Variants in USP3 observed in about 807,000 individuals in gnomAD.
The protein encoded by USP3 is ubiquitin specific peptidase 3, also known as ubiquitin carboxyl-terminal hydrolase 3.
Under a neutral mutation model 72.3 loss-of-function variants are expected in USP3, and 20 were observed. The ratio of observed to expected loss-of-function variants is 0.28; its 90% CI spans 0.19 to 0.40. USP3 has a LOEUF of 0.40. Ranked by LOEUF, USP3 falls within the 10% of genes least tolerant of loss-of-function variation. The pLI is 1.00. For missense variants in USP3, 479 were observed against 633.9 expected (o/e 0.76, Z 2.62); for synonymous variants, 222 against 225.3 (o/e 0.99, Z 0.13).
At chr15:63,578,600 A>G (rs1411968275) in intron 11 of USP3, among the ~76,000 whole-genome samples, 1 of 149,364 alleles carries the variant, frequency 6.7e-6, no homozygotes, top group Non-Finnish European at 1.5e-5. Context: ...CGACAGAGCA[A>G]GACTCCGTCT....
rs2066089843 is a variant in USP3 at position 63,532,391 on chromosome 15, ATGTGT to A, written c.92-254_92-250del. The A allele has an allele frequency of 3.4e-5, 19 of 554,524 alleles. No homozygotes were observed. In the South Asian group the frequency reaches 3.7e-4, roughly 11 times the overall value. The allele number at this position is 554,524 out of a possible 1,614,324, so 34.4% of individuals were successfully genotyped here. Reference sequence around the variant, plus strand: ...TAAGTAATAAAGGAGACAAGTGTATATGTGTTTAACGTGGTTAAGCTATTTGGGTT... The same window carrying A: ...TAAGTAATAAAGGAGACAAGTGTATATTAACGTGGTTAAGCTATTTGGGTT... On this transcript the variant is annotated intron_variant, in intron 1 of 14. Coordinates refer to ENST00000380324, the MANE Select transcript of USP3 (RefSeq NM_006537.4).
At chr15:63,512,609 T>A (rs1392600679) in intron 1 of USP3, among the ~76,000 whole-genome samples, 2 of 152,030 alleles carry the variant, frequency 1.3e-5, no homozygotes, top group African/African-American at 4.8e-5. Context: ...CATGCCTGGC[T>A]AATTTTTGTG....
intron 1 of USP3, among the ~76,000 whole-genome samples, chr15:63,517,567 T>C (rs552687871): frequency 2.0e-5 from 3 of 152,348 alleles, no homozygotes; most frequent in East Asian, 3.9e-4. Flanking sequence ...TGGGCTTCAC[T>C]GTGAGGTGGG....
intron 1 of USP3, among the ~76,000 whole-genome samples, chr15:63,521,330 A>G (rs2065918306): frequency 6.6e-6 from 1 of 152,208 alleles, no homozygotes; most frequent in Non-Finnish European, 1.5e-5. Context: ...ATAATGCAGC[A>G]GTTAATACCC....
chr15:63,534,578 A>G (rs1194522101), intron 2 of USP3, among the ~76,000 whole-genome samples: 1 of 152,190 alleles, frequency 6.6e-6, no homozygotes, highest in Non-Finnish European at 1.5e-5. Context: ...AGTTTATACA[A>G]AACTGTTAAC....
At chr15:63,530,604 C>T in intron 1 of USP3, 1 of 435,662 alleles carries the variant, frequency 2.3e-6, no homozygotes, top group East Asian at 8.3e-5. Flanking sequence ...CGTACCAGTG[C>T]ACCTGGCCCC....
chr15:63,519,061 G>A (rs1450625349), intron 1 of USP3, among the ~76,000 whole-genome samples: 1 of 152,190 alleles, frequency 6.6e-6, no homozygotes, highest in East Asian at 1.9e-4. Flanking sequence ...CACCGCGCCT[G>A]GCCGGGTCTT....
chr15:63,538,598 G>A (rs2066195370), intron 3 of USP3, among the ~76,000 whole-genome samples: 4 of 150,462 alleles, frequency 2.7e-5, no homozygotes, highest in Non-Finnish European at 5.9e-5. Context: ...CCAGGCTGGA[G>A]TGCAGTGGCC....
Position 63,589,022 on chromosome 15 carries a change from C to G in USP3, c.1397+11C>G. On this transcript the variant is annotated intron_variant, in intron 14 of 14. Transcript: ENST00000380324. ...GCACCATGGTTCCGGGTGAGTACAA[C>G]AGCCAGCTTCTGGTGGGTGGGAATA... 6.2e-7 allele frequency: 1 copy of G among 1,612,930 alleles called. No individual in the cohort carries two copies. Among genetic ancestry groups the G allele is most frequent in the Non-Finnish European group, 8.5e-7 (1 of 1,180,018 alleles).
chr15:63,522,709 T>C (rs1173716080), intron 1 of USP3, among the ~76,000 whole-genome samples: 1 of 152,256 alleles, frequency 6.6e-6, no homozygotes, highest in Non-Finnish European at 1.5e-5. Flanking sequence ...TCTAAGTGAC[T>C]TGGCTTGTAA....
At position 63,553,694 on chromosome 15, in the gene USP3, T is replaced by C; in HGVS notation, c.285-21T>C. Reference sequence around the variant, plus strand: ...GTTTCCTCAAGCTCTTTACACACATTGATTAATATTTTCCTTGCAGTTATC... The same window carrying C: ...GTTTCCTCAAGCTCTTTACACACATCGATTAATATTTTCCTTGCAGTTATC... On this transcript the variant is annotated intron_variant, in intron 3 of 14. Coordinates refer to ENST00000380324, the MANE Select transcript of USP3 (RefSeq NM_006537.4). This position sits in a 1 kb window ranked among gnomAD's most constrained non-coding sequence, Gnocchi z 4.2. 1.9e-6 allele frequency: 3 copies of C among 1,607,498 alleles called. No homozygotes were observed. Among genetic ancestry groups the C allele is most frequent in the Non-Finnish European group, 2.5e-6 (3 of 1,176,848 alleles).
intron 8 of USP3, among the ~76,000 whole-genome samples, chr15:63,568,857 G>A (rs1176845642): frequency 6.6e-6 from 1 of 152,116 alleles, no homozygotes; most frequent in Admixed American, 6.5e-5. Flanking sequence ...TGAGTGTTCC[G>A]TGATCTCATG....
chr15:63,555,331 G>T (rs1182720570), intron 4 of USP3, among the ~76,000 whole-genome samples: 1 of 152,144 alleles, frequency 6.6e-6, no homozygotes, highest in Non-Finnish European at 1.5e-5. Flanking sequence ...CGACTATTCC[G>T]CATGCCCCGT....
intron 7 of USP3, 26 bp from the exon 8 acceptor site, chr15:63,562,869 G>C (rs1287633672): frequency 1.3e-6 from 2 of 1,506,378 alleles, no homozygotes; most frequent in South Asian, 2.5e-5. Flanking sequence ...ACTAATCTGA[G>C]GGCACTGTCC....
chr15:63,558,017 G>C, intron 5 of USP3, 89 bp from the exon 6 acceptor site: 1 of 1,401,240 alleles, frequency 7.1e-7, no homozygotes, highest in Non-Finnish European at 1.0e-6. Context: ...CTTGGTGCTA[G>C]ATTTCAGAGG....
Position 63,562,897 on chromosome 15 carries a change from C to G in USP3, c.650C>G (p.Ser217Cys). ...HTRSQGDNNV[S>C]LVEEFRKTLC... ...CACTGTCCTTTCCTCTTTTGCAGGT[C>G]TTTGGTAGAAGAGTTTAGAAAGACA... The change falls in exon 8 of 15, where the codon TCT (serine) becomes TGT (cysteine). Residue 217 changes from serine (S) to cysteine (C), a missense_variant and splice_region_variant. Ser to Cys is a moderately radical substitution (Grantham distance 112). Transcript: ENST00000380324. 6.2e-7 allele frequency: 1 copy of G among 1,602,324 alleles called. No homozygotes were observed. The highest frequency in any genetic ancestry group is 8.5e-7 in the Non-Finnish European group (1 of 1,174,834).
At chr15:63,510,696 T>G (rs1228610488) in intron 1 of USP3, among the ~76,000 whole-genome samples, 3 of 152,112 alleles carry the variant, frequency 2.0e-5, no homozygotes. Flanking sequence ...GAGGGTGTGT[T>G]TGTGATTAAG....
At chr15:63,575,758 A>G (rs1425535009) in intron 11 of USP3, among the ~76,000 whole-genome samples, 1 of 152,200 alleles carries the variant, frequency 6.6e-6, no homozygotes, top group African/African-American at 2.4e-5. Context: ...TGATATTGTC[A>G]AATGTCACAC....
At position 63,550,122 on chromosome 15, in the gene USP3, C is replaced by T. The variant is rs1480335363; in HGVS notation, c.285-3593C>T. Among the ~76,000 whole-genome samples the T allele has an allele frequency of 3.9e-5, 6 of 152,290 alleles. No homozygotes were observed. In the South Asian group the frequency reaches 1.0e-3, roughly 26 times the overall value. On this transcript the variant is annotated intron_variant, in intron 3 of 14. Transcript: ENST00000380324. ...GCAACCTCCGCCTCCTTGGTTCAAGCGATTCTCCTGCCTCAGCCTCCTGAG... is the reference window on the plus strand; with the variant it reads ...GCAACCTCCGCCTCCTTGGTTCAAGTGATTCTCCTGCCTCAGCCTCCTGAG...
Sources: gnomAD v4.1 joint callset for allele counts (sites outside exome capture counted in the v4.1 genomes callset) on GRCh38, gnomAD v4.1.1 for gene constraint, Gnocchi (gnomAD v3.1) non-coding constraint, MANE v1.5 for transcripts, NCBI Gene and HGNC (gene_info 2026-07-23, HGNC 2026-07-21) for gene names.